PARVB: variants seen among roughly 807,000 people sequenced by gnomAD.
PARVB encodes the protein beta-parvin.
Under a neutral mutation model 47.0 loss-of-function variants are expected in PARVB, and 46 were observed. The ratio of observed to expected loss-of-function variants is 0.98; its 90% CI spans 0.77 to 1.25. The LOEUF is 1.25. Ranked by LOEUF, PARVB falls within the 50% of genes most tolerant of loss-of-function variation. The pLI, the probability that PARVB is intolerant of heterozygous loss-of-function variation, is 0.00. For synonymous variants in PARVB, 196 were observed against 196.3 expected (o/e 1.00, Z 0.01); for missense variants, 473 against 471.6 (o/e 1.00, Z -0.03).
At chr22:44,164,982 G>A (rs1347856365) in intron 12 of PARVB, among the ~76,000 whole-genome samples, 1 of 152,094 alleles carries the variant, frequency 6.6e-6, no homozygotes, top group Non-Finnish European at 1.5e-5. Context: ...CCTGTCTCGT[G>A]TGTATGGCTG....
At chr22:44,133,557 G>A (rs930805393) in intron 6 of PARVB, among the ~76,000 whole-genome samples, 15 of 152,086 alleles carry the variant, frequency 9.9e-5, no homozygotes, top group African/African-American at 2.4e-4. Context: ...TTTATGTTTT[G>A]TGAAAGGGTT....
chr22:44,030,288 C>T (rs1603425317), intron 1 of PARVB, among the ~76,000 whole-genome samples: 1 of 152,344 alleles, frequency 6.6e-6, no homozygotes, highest in South Asian at 2.1e-4. Context: ...ATGGGGGTCT[C>T]ACCACCCAGA....
chr22:44,121,906 C>T (rs1028227807), intron 4 of PARVB, among the ~76,000 whole-genome samples: 1 of 152,102 alleles, frequency 6.6e-6, no homozygotes, highest in African/African-American at 2.4e-5. Flanking sequence ...AATTACAATA[C>T]CAATACCTCT....
chr22:44,024,484 G>A (rs1369330533), intron 1 of PARVB, 33 bp downstream of exon 1: 1 of 1,102,262 alleles, frequency 9.1e-7, no homozygotes, highest in South Asian at 3.9e-5. Flanking sequence ...CGACCCCCGG[G>A]GACCTGCCCG....
At chr22:44,162,270 C>G (rs2054069872) in intron 11 of PARVB, among the ~76,000 whole-genome samples, 1 of 152,216 alleles carries the variant, frequency 6.6e-6, no homozygotes. Context: ...GTTTCTGATT[C>G]ATTGGCCTCA....
In PARVB at chr22:44,138,630, G is replaced by A. The variant is rs1436650172; in HGVS notation, c.693-1494G>A. On this transcript the variant is annotated intron_variant, in intron 7 of 12. Transcript: ENST00000338758. ...ACATTCAGTTTCCTAAGGCAGCATT[G>A]CCACCTCCTATCCAGTCTCAGTGTT... Among the ~76,000 whole-genome samples the A allele has an allele frequency of 2.0e-5, 3 of 152,154 alleles. No individual in the cohort carries two copies. In the East Asian group the frequency reaches 5.8e-4, roughly 29 times the overall value.
At chr22:44,026,265 C>CA (rs1351129218) in intron 1 of PARVB, 1 of 968,020 alleles carries the variant, frequency 1.0e-6, no homozygotes, top group East Asian at 1.1e-4. Flanking sequence ...TGGTTTAATT[C>CA]AAATGCACCA....
intron 3 of PARVB, chr22:44,104,985 G>A (rs912635729): frequency 2.0e-5 from 3 of 152,344 alleles, no homozygotes. Context: ...CCAGGGCAGA[G>A]TTGAACGCAC....
Position 44,088,909 on chromosome 22 carries a change from C to G in PARVB, c.113-5019C>G, listed in dbSNP as rs118048094. ...GCAATATGGGTTGGACAAGTATGTT[C>G]TGTAATCCGAGGTTGTGTGCCCTCT... On this transcript the variant is annotated intron_variant, in intron 1 of 12. Coordinates refer to ENST00000338758, the MANE Select transcript of PARVB (RefSeq NM_013327.5). Among the ~76,000 whole-genome samples, 510 of 152,316 alleles carry G rather than the reference C, an allele frequency of 3.3e-3. 4 individuals carry two copies. Among genetic ancestry groups the G allele is most frequent in the Non-Finnish European group, 5.7e-3 (387 of 68,034 alleles).
chr22:44,163,144 T>A (rs575241172), intron 11 of PARVB, among the ~76,000 whole-genome samples: 1 of 152,312 alleles, frequency 6.6e-6, no homozygotes, highest in African/African-American at 2.4e-5. Flanking sequence ...GGACTCATCC[T>A]TTCTGGGCCT....
At chr22:44,128,726 C>T (rs940373059) in intron 4 of PARVB, among the ~76,000 whole-genome samples, 1 of 152,230 alleles carries the variant, frequency 6.6e-6, no homozygotes, top group Admixed American at 6.5e-5. Flanking sequence ...CAGCCTCCCA[C>T]TGTCCCTGCT....
At chr22:44,117,642 G>A (rs1418346623) in intron 3 of PARVB, among the ~76,000 whole-genome samples, 1 of 152,188 alleles carries the variant, frequency 6.6e-6, no homozygotes, top group African/African-American at 2.4e-5. Context: ...TGTGTGTCAG[G>A]TTCGATATTT....
In PARVB at chr22:44,080,033, C is replaced by T. The variant is rs2051865132; in HGVS notation, c.113-13895C>T. 2.0e-5 allele frequency among the ~76,000 whole-genome samples: 3 copies of T among 152,216 alleles called. No individual in the cohort carries two copies. The South Asian group carries it at 6.2e-4, about 32-fold the overall frequency. ...GCCTTAGGGCCAGTTGTGATTTTAT[C>T]CACAGTGTTGGTCAGATGCGTCCTC... is the stretch of plus-strand genomic sequence containing the variant. On this transcript the variant is annotated intron_variant, in intron 1 of 12. Coordinates refer to ENST00000338758, the MANE Select transcript of PARVB (RefSeq NM_013327.5).
chr22:44,086,447 A>T (rs942863868), intron 1 of PARVB, among the ~76,000 whole-genome samples: 1 of 152,202 alleles, frequency 6.6e-6, no homozygotes, highest in African/African-American at 2.4e-5. Flanking sequence ...AGAACCTTGG[A>T]GATTGGACTT....
chr22:44,063,583 G>A (rs559391402), intron 1 of PARVB, among the ~76,000 whole-genome samples: 2 of 152,232 alleles, frequency 1.3e-5, no homozygotes, highest in Admixed American at 6.5e-5. Flanking sequence ...TGTGGTCTCC[G>A]TCCTCAGCGT....
intron 2 of PARVB, among the ~76,000 whole-genome samples, chr22:44,017,936 G>T (rs568573434): frequency 3.9e-5 from 6 of 152,248 alleles, no homozygotes; most frequent in African/African-American, 1.4e-4. Flanking sequence ...CATGTCACGT[G>T]TCACACATGT....
chr22:44,036,397 AT>A (rs1311385251), intron 1 of PARVB, among the ~76,000 whole-genome samples: 1 of 152,162 alleles, frequency 6.6e-6, no homozygotes, highest in African/African-American at 2.4e-5. Context: ...GTAGATTTGT[AT>A]GTATTTTATG....
At chr22:44,061,460 ACAAAC>A (rs746938412) in intron 1 of PARVB, among the ~76,000 whole-genome samples, 161 of 117,370 alleles carry the variant, frequency 1.4e-3, no homozygotes, top group Admixed American at 2.9e-3. Flanking sequence ...ACAAAACAAA[ACAAAC>A]CAAAACAGTG....
In PARVB at chr22:44,151,548, C is replaced by T; in HGVS notation, c.840C>T (p.Thr280=). 1 of 1,612,034 alleles carries T rather than the reference C, an allele frequency of 6.2e-7. No homozygotes were observed. The highest frequency in any genetic ancestry group is 8.5e-7 in the Non-Finnish European group (1 of 1,178,116). Residue 280 remains threonine (T), a synonymous_variant, in exon 10 of 13, where the codon ACC becomes ACT. Coordinates refer to ENST00000338758, the MANE Select transcript of PARVB (RefSeq NM_013327.5). ...KLNLEVTELE[T]QFADGVYLVL... ...ATTTGGAGGTGACGGAACTGGAGACCCAGGTATGTGCTGCTTTGGCTTGAA... is the reference window on the plus strand; with the variant it reads ...ATTTGGAGGTGACGGAACTGGAGACTCAGGTATGTGCTGCTTTGGCTTGAA...
Sources: gnomAD v4.1 joint callset for allele counts (sites outside exome capture counted in the v4.1 genomes callset) on GRCh38, gnomAD v4.1.1 for gene constraint, MANE v1.5 for transcripts, NCBI Gene and HGNC (gene_info 2026-07-23, HGNC 2026-07-21) for gene names.